The following POLB variants were observed in gnomAD, a reference collection of about 807,000 sequenced individuals.
POLB encodes the protein DNA polymerase beta.
A neutral mutation model predicts 52.7 loss-of-function variants in POLB; 37 were observed. That is an observed-to-expected ratio of 0.70 (90% CI 0.54 to 0.92). The LOEUF (loss-of-function observed/expected upper bound fraction) is 0.92. Ranked by LOEUF, POLB falls within the 40% of genes least tolerant of loss-of-function variation. The probability of loss-of-function intolerance (pLI) is 0.00; values close to 1 mark genes in which losing one functional copy is unlikely to be tolerated. For synonymous variants in POLB, 138 were observed against 131.3 expected, an observed-to-expected ratio of 1.05 and a Z score of -0.35; for missense variants, 313 against 400.8, an observed-to-expected ratio of 0.78 and a Z score of 1.87.
intron 7 of POLB, among the ~76,000 whole-genome samples, chr8:42,356,640 C>G (rs1217947802): frequency 2.6e-5 from 4 of 152,020 alleles, no homozygotes; most frequent in Admixed American, 2.6e-4. Flanking sequence ...AGCTGCTCAT[C>G]TACTTTCTGT....
At chr8:42,341,667 G>C in intron 2 of POLB, 1 of 240,536 alleles carries the variant, frequency 4.2e-6, no homozygotes, top group Non-Finnish European at 8.1e-6. Flanking sequence ...AAGAATTACA[G>C]GTCACCGCTT....
intron 10 of POLB, chr8:42,361,630 A>G (rs1451484799): frequency 8.6e-6 from 3 of 349,156 alleles, no homozygotes; most frequent in Non-Finnish European, 1.6e-5. Context: ...ACTGTCTGTG[A>G]TAAATACTTT....
rs756995926 is a variant in POLB at position 42,338,713 on chromosome 8, TTTC to T, written c.61+34_61+36del. The T allele has an allele frequency of 4.4e-6, 7 of 1,605,222 alleles. No homozygotes were observed. The South Asian group carries it at 7.7e-5, about 18-fold the overall frequency. ...TAGCACCGGGCCGGGCCCCGCTGGC[TTTC>T]TTCTTTCCTTCCAGCCTCTTCCCCT... On this transcript the variant is annotated intron_variant, in intron 1 of 13. Transcript: ENST00000265421.
rs768807609 is a variant in POLB, at chr8:42,369,872, A to G, written c.797A>G (p.Tyr266Cys). 1.2e-6 allele frequency: 2 copies of G among 1,604,418 alleles called. No homozygotes were observed. Among genetic ancestry groups the G allele is most frequent in the South Asian group, 1.1e-5 (1 of 90,406 alleles). ...DIRLIPKDQY[Y>C]CGVLYFTGSD... is the part of the protein sequence containing the mutation. ...AGGTTGATACCCAAAGATCAGTATT[A>G]CTGTGGTGTTCTCTATTTCACTGGG... Residue 266 changes from tyrosine to cysteine, a missense_variant, in exon 13 of 14, where the codon TAC becomes TGC. Around this residue, in one of 3 missense-constraint regions of POLB, gnomAD observed 246 missense variants for 297.6 expected, o/e 0.83. Transcript: ENST00000265421.
rs1322009725 is a variant in POLB at position 42,369,311 on chromosome 8, A to T, written c.749A>T (p.Tyr250Phe). The change falls in exon 12 of 14, where the codon TAT becomes TTT. Residue 250 changes from tyrosine to phenylalanine, a missense_variant. Around this residue, in one of 3 missense-constraint regions of POLB, gnomAD observed 246 missense variants for 297.6 expected, o/e 0.83. Transcript: ENST00000265421. ...CCCAGTAAAAATGATGAAAAAGAAT[A>T]TCCACACAGAAGAATTGATATCAGG... ...QLPSKNDEKE[Y>F]PHRRIDIRLI... 1.3e-6 allele frequency: 2 copies of T among 1,591,684 alleles called. No individual in the cohort carries two copies. Among genetic ancestry groups the T allele is most frequent in the Non-Finnish European group, 1.7e-6 (2 of 1,160,868 alleles).
chr8:42,366,794 A>G (rs1824066896), intron 11 of POLB, among the ~76,000 whole-genome samples: 1 of 152,324 alleles, frequency 6.6e-6, no homozygotes, highest in Non-Finnish European at 1.5e-5. Context: ...TAAAATTGAT[A>G]TTTGCCCTAC....
chr8:42,371,479 C>G, intron 13 of POLB, 84 bp from the exon 14 acceptor site: 1 of 606,310 alleles, frequency 1.6e-6, no homozygotes, highest in Non-Finnish European at 2.8e-6. Flanking sequence ...GAAAGCAAGT[C>G]CCACACAGCT....
At chr8:42,358,063 A>C (rs1823437426) in intron 9 of POLB, 1 of 152,242 alleles carries the variant, frequency 6.6e-6, no homozygotes, top group Non-Finnish European at 1.5e-5. Context: ...ATAATGTCTT[A>C]GAAGTACCAG....
chr8:42,355,527 A>G lies in POLB; in HGVS notation c.382A>G (p.Asn128Asp), dbSNP rs1161954985. The change falls in exon 7 of 14, where the codon AAT (asparagine) becomes GAT (aspartate). Residue 128 changes from asparagine to aspartate, a missense_variant. Transcript: ENST00000265421. ...GIKTLEDLRKNEDKLNHHQRI... is the reference protein window; with the variant it reads ...GIKTLEDLRKDEDKLNHHQRI... ...TATCTTCTATACAGATCTCAGAAAA[A>G]ATGAAGATAAATTGAACCATCATCA... 6.3e-7 allele frequency: 1 copy of G among 1,579,468 alleles called. No homozygotes were observed. The highest frequency in any genetic ancestry group is 2.2e-5 in the East Asian group (1 of 44,704).
At position 42,357,321 on chromosome 8, in the gene POLB, A is replaced by T; in HGVS notation, c.479A>T (p.Asp160Val). 6.5e-7 allele frequency: 1 copy of T among 1,530,860 alleles called. No individual in the cohort carries two copies. The highest frequency in any genetic ancestry group is 9.1e-7 in the Non-Finnish European group (1 of 1,104,876). 94.8% of individuals were successfully genotyped at this position (1,530,860 alleles called of 1,614,324 possible). Residue 160 changes from aspartate to valine, a missense_variant and splice_region_variant, in exon 9 of 14, where the codon GAT (aspartate) becomes GTT (valine). Physicochemically the swap from Asp to Val is radical, Grantham distance 152. Coordinates refer to ENST00000265421, the MANE Select transcript of POLB (RefSeq NM_002690.3). ...IPREEMLQMQ[D>V]IVLNEVKKVD... ...CTGACTTAATTTTTCTTCTATTAGG[A>T]TATTGTACTAAATGAAGTTAAAAAA...
intron 11 of POLB, among the ~76,000 whole-genome samples, chr8:42,366,840 T>C (rs1052241277): frequency 9.8e-5 from 15 of 152,304 alleles, no homozygotes; most frequent in African/African-American, 3.4e-4. Flanking sequence ...AATTAAATAG[T>C]ATATGTGGAA....
At chr8:42,363,095 C>G (rs1228103219) in intron 11 of POLB, among the ~76,000 whole-genome samples, 1 of 151,316 alleles carries the variant, frequency 6.6e-6, no homozygotes, top group Non-Finnish European at 1.5e-5. Context: ...TGCACTTCAG[C>G]CTGGGCCACA....
At chr8:42,342,339 A>G (rs781642205) in intron 2 of POLB, 11 of 1,512,028 alleles carry the variant, frequency 7.3e-6, no homozygotes, top group Middle Eastern at 4.7e-4. Flanking sequence ...GGCCAGTACA[A>G]TATGTTGCAG....
At chr8:42,351,185 A>G (rs1470490246) in intron 5 of POLB, among the ~76,000 whole-genome samples, 1 of 152,040 alleles carries the variant, frequency 6.6e-6, no homozygotes, top group African/African-American at 2.4e-5. Flanking sequence ...GAGAGCATCT[A>G]TTATCCTTTT....
Position 42,362,655 on chromosome 8 carries a change from A to G in POLB, c.665A>G (p.His222Arg). The G allele has an allele frequency of 2.5e-6, 4 of 1,611,196 alleles. No homozygotes were observed. Among genetic ancestry groups the G allele is most frequent in the Non-Finnish European group, 2.5e-6 (3 of 1,177,586 alleles). ...GTTGTGGAGCAGTTACAAAAGGTTCATTTTATCACAGATACCCTGTCAAAG... is the reference window on the plus strand; with the variant it reads ...GTTGTGGAGCAGTTACAAAAGGTTCGTTTTATCACAGATACCCTGTCAAAG... ...HQVVEQLQKV[H>R]FITDTLSKGE... The change falls in exon 11 of 14, where the codon CAT becomes CGT. Residue 222 changes from histidine (H) to arginine (R), a missense_variant. Around this residue, in one of 3 missense-constraint regions of POLB, gnomAD observed 246 missense variants for 297.6 expected, o/e 0.83. Coordinates refer to ENST00000265421, the MANE Select transcript of POLB (RefSeq NM_002690.3).
At chr8:42,348,941 C>A in intron 3 of POLB, 75 bp from the exon 4 acceptor site, 1 of 800,556 alleles carries the variant, frequency 1.2e-6, no homozygotes, top group Non-Finnish European at 2.0e-6. Flanking sequence ...TCATTTTCTG[C>A]TTTTTACTTT....
chr8:42,340,487 G>A (rs764139520), intron 2 of POLB, among the ~76,000 whole-genome samples: 10 of 152,170 alleles, frequency 6.6e-5, no homozygotes, highest in African/African-American at 1.9e-4. Flanking sequence ...TTATGTATAC[G>A]CAAATATTCC....
intron 1 of POLB, 91 bp downstream of exon 1, chr8:42,338,776 G>A (rs1822009218): frequency 1.1e-5 from 15 of 1,309,596 alleles, no homozygotes; most frequent in Non-Finnish European, 1.5e-5. Flanking sequence ...AGTCCAGTGG[G>A]TAGGGTAGGT....
chr8:42,369,376 A>G (rs3136798), intron 12 of POLB, 41 bp downstream of exon 12: 18 of 1,208,988 alleles, frequency 1.5e-5, no homozygotes, highest in Non-Finnish European at 1.9e-5. Flanking sequence ...AACTTTTCCA[A>G]ACTTGTCTCG....
Sources: gnomAD v4.1 joint callset for allele counts (sites outside exome capture counted in the v4.1 genomes callset) on GRCh38, gnomAD v4.1.1 for gene constraint, gnomAD v4.1.1 regional missense constraint, MANE v1.5 for transcripts, NCBI Gene and HGNC (gene_info 2026-07-23, HGNC 2026-07-21) for gene names.